ZNF112: variants seen among roughly 807,000 people sequenced by gnomAD.
ZNF112 encodes zinc finger protein 112 (Y14).
Under a neutral mutation model 77.7 loss-of-function variants are expected in ZNF112, and 37 were observed. That is an observed-to-expected ratio of 0.48 (90% CI 0.37 to 0.63). The LOEUF is 0.63. Among genes scored for constraint, ZNF112 ranks in the 20% least tolerant of loss-of-function variants. The pLI, the probability that ZNF112 is intolerant of heterozygous loss-of-function variation, is 0.00. For synonymous variants in ZNF112, 333 were observed against 363.6 expected, an observed-to-expected ratio of 0.92 and a Z score of 0.96; for missense variants, 950 against 1,077.4, an observed-to-expected ratio of 0.88 and a Z score of 1.66.
intron 1 of ZNF112, among the ~76,000 whole-genome samples, chr19:44,366,319 A>C (rs1970903951): frequency 6.6e-6 from 1 of 152,180 alleles, no homozygotes; most frequent in Non-Finnish European, 1.5e-5. Context: ...ATTTTGAGGA[A>C]AAGTATATTG....
upstream of ZNF112, among the ~76,000 whole-genome samples, chr19:44,361,338 C>A (rs138378297): frequency 7.2e-5 from 11 of 152,148 alleles, no homozygotes; most frequent in African/African-American, 2.6e-4. Flanking sequence ...ATTTTATATT[C>A]ATACTTTCAC....
At chr19:44,331,304 C>T (rs555886994) in intron 3 of ZNF112, among the ~76,000 whole-genome samples, 1 of 152,284 alleles carries the variant, frequency 6.6e-6, no homozygotes, top group East Asian at 1.9e-4. Context: ...TCAATGAATA[C>T]TGACTTTTGC....
chr19:44,335,454 CATT>C (rs1157488960), intron 3 of ZNF112, among the ~76,000 whole-genome samples: 1 of 152,058 alleles, frequency 6.6e-6, no homozygotes, highest in Non-Finnish European at 1.5e-5. Context: ...CAAATTTTTA[CATT>C]AATATGAGGT....
chr19:44,337,338 T>G lies in ZNF112; in HGVS notation c.125-620A>C. Among the ~76,000 whole-genome samples the G allele has an allele frequency of 3.1e-5, 2 of 65,394 alleles. 1 individual carries two copies. The highest frequency in any genetic ancestry group is 8.9e-4 in the East Asian group (2 of 2,238). The allele number at this position is 65,394 out of a possible 152,430, so 42.9% of individuals were successfully genotyped here. On this transcript the variant is annotated intron_variant, in intron 2 of 3. Transcript: ENST00000354340. ...TGTATATGTATAAAATATATATACATTTTGTATATGTGTAAAATATATATT... is the reference window on the plus strand; with the variant it reads ...TGTATATGTATAAAATATATATACAGTTTGTATATGTGTAAAATATATATT...
rs192665984 is a variant in ZNF112 at position 44,366,182 on chromosome 19, T to C, written c.17+899A>G. ...CTGGGCAACACAGTAAGACTGCATC[T>C]CTACAAAATAAAAATAAATTTAAAT... On this transcript the variant is annotated intron_variant, in intron 1 of 4. Coordinates refer to the ZNF112 transcript ENST00000588057. Among the ~76,000 whole-genome samples the C allele has an allele frequency of 2.9e-3, 444 of 152,232 alleles. 4 individuals are homozygous for C. The highest frequency in any genetic ancestry group is 9.1e-3 in the African/African-American group (376 of 41,526).
intron 1 of ZNF112, among the ~76,000 whole-genome samples, chr19:44,347,069 TTAATTA>T (rs1970604097): frequency 6.6e-6 from 1 of 152,200 alleles, no homozygotes; most frequent in Non-Finnish European, 1.5e-5. Context: ...TTTTTTTCTT[TTAATTA>T]TATCAGTTTT....
Position 44,328,935 on chromosome 19 carries a change from G to C in ZNF112, c.1222C>G (p.Leu408Val). 1 of 1,613,946 alleles carries C rather than the reference G, an allele frequency of 6.2e-7. No homozygotes were observed. The highest frequency in any genetic ancestry group is 1.3e-5 in the African/African-American group (1 of 75,044). ...TTTCCATACTCTATATCTGTGTATA[G>C]TTTCTCTTCAGTGTGGATTTTTTGA... ...VHQKIHTEEKLYTDIEYGKSF... is the reference protein window; with the variant it reads ...VHQKIHTEEKVYTDIEYGKSF... The change falls in exon 4 of 4, where the codon CTA becomes GTA. Residue 408 changes from leucine to valine, a missense_variant. Around this residue, in one of 3 missense-constraint regions of ZNF112, gnomAD observed 560 missense variants for 557.3 expected, o/e 1.00. Transcript: ENST00000354340.
intron 1 of ZNF112, among the ~76,000 whole-genome samples, chr19:44,350,785 CA>C (rs1970676893): frequency 6.6e-6 from 1 of 152,094 alleles, no homozygotes; most frequent in South Asian, 2.1e-4. Context: ...TTCTGCATTT[CA>C]AAGTCCATTT....
chr19:44,336,602 T>C, intron 3 of ZNF112, 21 bp downstream of exon 3: 1 of 1,596,476 alleles, frequency 6.3e-7, no homozygotes, highest in Non-Finnish European at 8.6e-7. Flanking sequence ...GGCTGCTGTG[T>C]TCCTGCAGCA....
In ZNF112 at chr19:44,329,954, AT is replaced by A; in HGVS notation, c.221-19del. ...CTTCCTTCCTATAAGGATAAAGAGA[AT>A]TCAGATGTGCACGAGTGAATGCTTT... On this transcript the variant is annotated intron_variant, in intron 3 of 3. Coordinates refer to ENST00000354340, the MANE Select transcript of ZNF112 (RefSeq NM_013380.4). 6.3e-7 allele frequency: 1 copy of A among 1,578,154 alleles called. No individual in the cohort carries two copies. Among genetic ancestry groups the A allele is most frequent in the Non-Finnish European group, 8.6e-7 (1 of 1,156,922 alleles).
intron 1 of ZNF112, among the ~76,000 whole-genome samples, chr19:44,355,193 T>C (rs1435295225): frequency 6.6e-6 from 1 of 152,122 alleles, no homozygotes; most frequent in Admixed American, 6.5e-5. Flanking sequence ...ATTTCCATAG[T>C]AAAAACTTAA....
rs1970139936 is a variant in ZNF112, at chr19:44,327,272, T to C, written c.*161A>G. 3.3e-6 allele frequency: 2 copies of C among 599,442 alleles called. No individual in the cohort carries two copies. Among genetic ancestry groups the C allele is most frequent in the East Asian group, 2.8e-5 (1 of 35,698 alleles). 37.1% of individuals were successfully genotyped at this position (599,442 alleles called of 1,614,324 possible). On this transcript the variant is annotated 3_prime_UTR_variant, in exon 4 of 4. Transcript: ENST00000354340. ...GACTGATGTTAAAGTTCTAACAAAA[T>C]CCCTCGTGAAACCCCTCTCATTAAA...
chr19:44,337,850 C>A (rs201088630), intron 2 of ZNF112, among the ~76,000 whole-genome samples: 2 of 90,058 alleles, frequency 2.2e-5, no homozygotes, highest in Non-Finnish European at 3.8e-5. Flanking sequence ...TACACACACA[C>A]ACACACACAC....
chr19:44,333,672 T>A (rs947050369), intron 3 of ZNF112, among the ~76,000 whole-genome samples: 7 of 152,196 alleles, frequency 4.6e-5, no homozygotes, highest in Middle Eastern at 3.2e-3. Flanking sequence ...ATGTAAAACA[T>A]GCCTCCTTCC....
At position 44,328,062 on chromosome 19, in the gene ZNF112, T is replaced by C; in HGVS notation, c.2095A>G (p.Arg699Gly). Residue 699 changes from arginine to glycine, a missense_variant, in exon 4 of 4, where the codon AGA becomes GGA. Physicochemically the swap from Arg to Gly is moderately radical, Grantham distance 125. Coordinates refer to ENST00000354340, the MANE Select transcript of ZNF112 (RefSeq NM_013380.4). The stretch of plus-strand genomic sequence containing the variant: ...CTCTGATGACTCTGAAGGTATGATC[T>C]CTGACTGAAACTCTTACCACACTCA... Reference protein sequence around the residue: ...CDECGKSFSQRSYLQSHQSVH... With the variant: ...CDECGKSFSQGSYLQSHQSVH... 6.2e-7 allele frequency: 1 copy of C among 1,614,076 alleles called. No individual in the cohort carries two copies.
chr19:44,353,816 T>C (rs184602026), intron 1 of ZNF112, among the ~76,000 whole-genome samples: 2 of 152,168 alleles, frequency 1.3e-5, no homozygotes, highest in East Asian at 3.9e-4. Context: ...ATACTACAGT[T>C]TGGCATCTTA....
intron 1 of ZNF112, among the ~76,000 whole-genome samples, chr19:44,365,555 A>T (rs188332860): frequency 6.6e-6 from 1 of 152,206 alleles, no homozygotes; most frequent in Non-Finnish European, 1.5e-5. Flanking sequence ...GTTATCCTAG[A>T]TATTTCTTTT....
chr19:44,329,701 T>C lies in ZNF112; in HGVS notation c.456A>G (p.Ile152Met), dbSNP rs1970232120. ...TGGAGCCATTCCCTATATGAGTGAA[T>C]ATATAGTTCTTATCTTCAGAAATCT... Reference protein sequence around the residue: ...PVQISEDKNYIFTHIGNGSNY... With the variant: ...PVQISEDKNYMFTHIGNGSNY... Residue 152 changes from isoleucine to methionine, a missense_variant, in exon 4 of 4, where the codon ATA (isoleucine) becomes ATG (methionine). Physicochemically the swap from Ile to Met is conservative, Grantham distance 10. Around this residue, in one of 3 missense-constraint regions of ZNF112, gnomAD observed 560 missense variants for 557.3 expected, o/e 1.00. Transcript: ENST00000354340. 6.2e-7 allele frequency: 1 copy of C among 1,614,100 alleles called. No individual in the cohort carries two copies. Among genetic ancestry groups the C allele is most frequent in the Non-Finnish European group, 8.5e-7 (1 of 1,179,998 alleles).
upstream of ZNF112, among the ~76,000 whole-genome samples, chr19:44,360,713 T>C (rs1970847525): frequency 6.6e-6 from 1 of 152,280 alleles, no homozygotes; most frequent in Admixed American, 6.5e-5. Context: ...ACAGGGAAAA[T>C]ATTCAATACA....
Sources: gnomAD v4.1 joint callset for allele counts (sites outside exome capture counted in the v4.1 genomes callset) on GRCh38, gnomAD v4.1.1 for gene constraint, gnomAD v4.1.1 regional missense constraint, MANE v1.5 for transcripts, NCBI Gene and HGNC (gene_info 2026-07-23, HGNC 2026-07-21) for gene names.